CSMD1: variants seen among roughly 807,000 people sequenced by gnomAD.
CSMD1 encodes CUB and sushi domain-containing protein 1.
Under a neutral mutation model 417.5 loss-of-function variants are expected in CSMD1, and 213 were observed. The ratio of observed to expected loss-of-function variants is 0.51; its 90% CI spans 0.46 to 0.57. The LOEUF (loss-of-function observed/expected upper bound fraction) is 0.57. Among genes scored for constraint, CSMD1 ranks in the 20% least tolerant of loss-of-function variants. CSMD1 has a pLI of 0.00. For synonymous variants in CSMD1, 2,862 were observed against 1,736.8 expected, an observed-to-expected ratio of 1.65 and a Z score of -16.11; for missense variants, 6,923 against 4,529.7, an observed-to-expected ratio of 1.53 and a Z score of -15.17.
At chr8:3,210,708 T>A (rs968676316) in intron 30 of CSMD1, among the ~76,000 whole-genome samples, 2 of 149,952 alleles carry the variant, frequency 1.3e-5, no homozygotes, top group Non-Finnish European at 3.0e-5. Flanking sequence ...TATATATATA[T>A]AAAGTGTATA....
At chr8:4,285,975 G>C (rs1797036401) in intron 3 of CSMD1, among the ~76,000 whole-genome samples, 2 of 152,176 alleles carry the variant, frequency 1.3e-5, no homozygotes, top group African/African-American at 4.8e-5. Context: ...CACGTATGCA[G>C]TGAGTCACCT....
intron 3 of CSMD1, among the ~76,000 whole-genome samples, chr8:4,264,455 A>G (rs1329383808): frequency 6.6e-6 from 1 of 152,164 alleles, no homozygotes; most frequent in Non-Finnish European, 1.5e-5. Flanking sequence ...CTGGTACACA[A>G]ATTTGCAGAT....
rs181252844 is a variant in CSMD1 at position 4,276,350 on chromosome 8, C to A, written c.415+143603G>T. ...GGACATGGATGAAACTAGAAACCGT[C>A]ATTGTCAGCAAACTATCACAAGAAC... On this transcript the variant is annotated intron_variant, in intron 3 of 69. Transcript: ENST00000635120. Among the ~76,000 whole-genome samples the A allele has an allele frequency of 2.7e-3, 406 of 152,284 alleles. 1 individual carries two copies. Among genetic ancestry groups the A allele is most frequent in the African/African-American group, 9.1e-3 (380 of 41,552 alleles).
intron 52 of CSMD1, among the ~76,000 whole-genome samples, chr8:3,002,812 T>G (rs1435579502): frequency 6.6e-6 from 1 of 152,162 alleles, no homozygotes; most frequent in African/African-American, 2.4e-5. Context: ...TGACTGTAAA[T>G]AAAGATTCCC....
At chr8:3,195,642 CTTGATG>C (rs1796664238) in intron 33 of CSMD1, among the ~76,000 whole-genome samples, 1 of 152,118 alleles carries the variant, frequency 6.6e-6, no homozygotes, top group Admixed American at 6.5e-5. Context: ...CCAGTCCCTG[CTTGATG>C]GTACAAGACC....
At chr8:4,246,065 G>C (rs1195733146) in intron 3 of CSMD1, among the ~76,000 whole-genome samples, 3 of 152,054 alleles carry the variant, frequency 2.0e-5, no homozygotes, top group Admixed American at 6.5e-5. Flanking sequence ...TAGAAGTGCA[G>C]GTTTGTTACT....
In CSMD1 at chr8:4,291,054, T is replaced by A. The variant is rs1390934875; in HGVS notation, c.415+128899A>T. Among the ~76,000 whole-genome samples, 4 of 152,160 alleles carry A rather than the reference T, an allele frequency of 2.6e-5. 1 individual carries two copies. Among genetic ancestry groups the A allele is most frequent in the African/African-American group, 9.7e-5 (4 of 41,446 alleles). On this transcript the variant is annotated intron_variant, in intron 3 of 69. Transcript: ENST00000635120. The stretch of plus-strand genomic sequence containing the variant: ...CTTTGTACCCTAGTGTAAAATATTA[T>A]GGGAATAATAATGGAATTTCCTGTT...
At chr8:4,404,051 A>C (rs1804841846) in intron 3 of CSMD1, among the ~76,000 whole-genome samples, 1 of 152,178 alleles carries the variant, frequency 6.6e-6, no homozygotes, top group African/African-American at 2.4e-5. Context: ...GACTTATCCA[A>C]AAACACTCTA....
chr8:3,736,188 G>C (rs1796511567), intron 6 of CSMD1, among the ~76,000 whole-genome samples: 1 of 151,906 alleles, frequency 6.6e-6, no homozygotes, highest in African/African-American at 2.4e-5. Flanking sequence ...TATTCTATGT[G>C]TATTAACACA....
chr8:3,595,383 C>A (rs1397375864), intron 8 of CSMD1, among the ~76,000 whole-genome samples: 2 of 152,182 alleles, frequency 1.3e-5, no homozygotes, highest in African/African-American at 2.4e-5. Context: ...CATAATGTGT[C>A]TTTTCTGGGT....
At chr8:3,260,411 G>A (rs992379284) in intron 26 of CSMD1, among the ~76,000 whole-genome samples, 11 of 151,946 alleles carry the variant, frequency 7.2e-5, no homozygotes, top group Admixed American at 2.6e-4. Flanking sequence ...ACACATAGAA[G>A]GAGTATATCC....
intron 23 of CSMD1, among the ~76,000 whole-genome samples, chr8:3,323,946 G>A (rs1481205796): frequency 7.1e-6 from 1 of 140,178 alleles, no homozygotes; most frequent in Non-Finnish European, 1.5e-5. Flanking sequence ...CAGAGACCCA[G>A]GAGGGGGAGT....
At chr8:4,222,011 T>C (rs924839772) in intron 3 of CSMD1, among the ~76,000 whole-genome samples, 1 of 150,940 alleles carries the variant, frequency 6.6e-6, no homozygotes, top group African/African-American at 2.4e-5. Context: ...CTACACCACA[T>C]AAACCTGTAC....
At chr8:4,902,132 T>C (rs73505869) in intron 1 of CSMD1, among the ~76,000 whole-genome samples, 5,401 of 152,170 alleles carry the variant, frequency 0.035, 317 homozygotes, top group African/African-American at 0.12. Flanking sequence ...CAATGAAGTT[T>C]GTTAAAAAGA....
intron 5 of CSMD1, among the ~76,000 whole-genome samples, chr8:3,943,370 A>G (rs569350422): frequency 2.0e-5 from 3 of 151,820 alleles, no homozygotes. Flanking sequence ...AAAAAAAAAA[A>G]AGTCAGATAG....
At chr8:3,244,400 A>G (rs1188789333) in intron 26 of CSMD1, among the ~76,000 whole-genome samples, 2 of 152,080 alleles carry the variant, frequency 1.3e-5, no homozygotes, top group African/African-American at 2.4e-5. Context: ...CTGGAGAGCA[A>G]TCTGCTTTTG....
At chr8:4,485,080 G>A (rs1801306402) in intron 2 of CSMD1, among the ~76,000 whole-genome samples, 1 of 147,166 alleles carries the variant, frequency 6.8e-6, no homozygotes, top group South Asian at 2.2e-4. Flanking sequence ...TACCCACACA[G>A]AAAGGAGATG....
chr8:3,695,979 G>GT (rs994832962), intron 7 of CSMD1, among the ~76,000 whole-genome samples: 4 of 152,158 alleles, frequency 2.6e-5, no homozygotes, highest in African/African-American at 9.7e-5. Flanking sequence ...ATATGGGATA[G>GT]TTTTTTCCAG....
chr8:4,769,585 G>C (rs1336088539), intron 1 of CSMD1, among the ~76,000 whole-genome samples: 1 of 152,102 alleles, frequency 6.6e-6, no homozygotes, highest in Non-Finnish European at 1.5e-5. Context: ...TGCAAAATAA[G>C]CATTGTAAAT....
Sources: allele counts gnomAD v4.1 joint callset (sites outside exome capture counted in the v4.1 genomes callset), GRCh38; gene constraint gnomAD v4.1.1; transcripts MANE v1.5; gene names NCBI Gene and HGNC (gene_info 2026-07-23, HGNC 2026-07-21).